The following ROCK1 variants were observed in gnomAD, a reference collection of about 807,000 sequenced individuals.
The protein encoded by ROCK1 is Rho associated coiled-coil containing protein kinase 1, also known as rho-associated protein kinase 1.
In ROCK1, 36 loss-of-function variants were observed where a neutral mutation model predicts 196.8. That is an observed-to-expected ratio of 0.18 (90% CI 0.14 to 0.24). The LOEUF is 0.24. ROCK1 is among the 10% of genes least tolerant of loss of function. The probability of loss-of-function intolerance (pLI) is 1.00; values close to 1 mark genes in which losing one functional copy is unlikely to be tolerated. For synonymous variants in ROCK1, 443 were observed against 515.9 expected, an observed-to-expected ratio of 0.86 and a Z score of 1.91; for missense variants, 920 against 1,562.0, an observed-to-expected ratio of 0.59 and a Z score of 6.93.
At chr18:20,969,271 A>G in intron 23 of ROCK1, 63 bp from the exon 24 acceptor site, 1 of 972,908 alleles carries the variant, frequency 1.0e-6, no homozygotes, top group African/African-American at 1.6e-5. Flanking sequence ...TTCAGGCAGT[A>G]ACCTTTAAAT....
At chr18:20,961,450 C>T (rs1025018471) in intron 27 of ROCK1, among the ~76,000 whole-genome samples, 2 of 152,080 alleles carry the variant, frequency 1.3e-5, no homozygotes, top group Non-Finnish European at 2.9e-5. Flanking sequence ...ATATTATATT[C>T]CGAGGAATTC....
chr18:21,061,139 C>T (rs1026582345), intron 2 of ROCK1, among the ~76,000 whole-genome samples: 3 of 150,224 alleles, frequency 2.0e-5, no homozygotes, highest in Admixed American at 6.6e-5. Flanking sequence ...AGTGCAATGG[C>T]GCAATCTTGG....
chr18:21,073,392 T>C (rs1485763191), intron 1 of ROCK1, among the ~76,000 whole-genome samples: 1 of 152,250 alleles, frequency 6.6e-6, no homozygotes, highest in African/African-American at 2.4e-5. Flanking sequence ...TAGAGGTCCA[T>C]TGTGTTATGC....
intron 16 of ROCK1, among the ~76,000 whole-genome samples, chr18:20,995,857 A>C (rs1388232383): frequency 6.6e-6 from 1 of 152,174 alleles, no homozygotes; most frequent in Non-Finnish European, 1.5e-5. Flanking sequence ...GATGCCTCCT[A>C]ATACAGATAT....
At chr18:21,028,649 A>G in intron 10 of ROCK1, 127 bp downstream of exon 10, 1 of 742,040 alleles carries the variant, frequency 1.3e-6, no homozygotes, top group East Asian at 3.0e-5. Context: ...AATATCATGC[A>G]TCAATGAAAA....
chr18:21,047,797 C>CA (rs1302580439), intron 4 of ROCK1, among the ~76,000 whole-genome samples: 3,570 of 105,694 alleles, frequency 0.034, 96 homozygotes, highest in African/African-American at 0.091. Flanking sequence ...GACTCCGTCT[C>CA]AAAAAAAAAA....
At position 21,111,316 on chromosome 18, in the gene ROCK1, C is replaced by T; in HGVS notation, c.-406G>A. 2.2e-6 allele frequency: 1 copy of T among 451,926 alleles called. No individual in the cohort carries two copies. Among genetic ancestry groups the T allele is most frequent in the African/African-American group, 2.0e-5 (1 of 49,034 alleles). 28.0% of individuals were successfully genotyped at this position (451,926 alleles called of 1,614,324 possible). A position where few individuals can be genotyped will look rare whatever the true frequency, so the allele number is the denominator to read the frequency against. On this transcript the variant is annotated 5_prime_UTR_variant, in exon 1 of 33. Coordinates refer to ENST00000399799, the MANE Select transcript of ROCK1 (RefSeq NM_005406.3). The surrounding 1 kb of genome is among the most constrained non-coding windows in gnomAD (Gnocchi z 4.2). The stretch of plus-strand genomic sequence containing the variant: ...CAGGGTGGAGACTCCCTCCGGGCAA[C>T]AAGGGAGGGAGAAGAGGAAAGGCGA...
At chr18:21,015,609 G>T in intron 12 of ROCK1, 130 bp from the exon 13 acceptor site, 1 of 659,062 alleles carries the variant, frequency 1.5e-6, no homozygotes, top group Non-Finnish European at 2.7e-6. Context: ...GGATCTCTTT[G>T]GCAGTCAAGT....
chr18:21,026,005 T>G (rs891409398), intron 10 of ROCK1, among the ~76,000 whole-genome samples: 1 of 152,180 alleles, frequency 6.6e-6, no homozygotes, highest in African/African-American at 2.4e-5. Context: ...AACTGAAGGT[T>G]ACCATTATAC....
chr18:20,952,275 A>G (rs796071816), intron 32 of ROCK1, among the ~76,000 whole-genome samples: 64 of 152,086 alleles, frequency 4.2e-4, no homozygotes, highest in African/African-American at 1.5e-3. Flanking sequence ...CCAGCTACTC[A>G]GGAGGCTGAG....
intron 1 of ROCK1, among the ~76,000 whole-genome samples, chr18:21,081,640 G>A (rs765430637): frequency 6.6e-6 from 1 of 152,126 alleles, no homozygotes; most frequent in Non-Finnish European, 1.5e-5. Flanking sequence ...GGGAAAAAGA[G>A]AGAAGACTCA....
At chr18:20,963,284 T>G (rs192587865) in intron 27 of ROCK1, among the ~76,000 whole-genome samples, 1 of 152,236 alleles carries the variant, frequency 6.6e-6, no homozygotes, top group East Asian at 1.9e-4. Context: ...CAATACTCGA[T>G]ATAGCCAATT....
chr18:21,025,404 C>A (rs1256503620), intron 10 of ROCK1, among the ~76,000 whole-genome samples: 1 of 152,148 alleles, frequency 6.6e-6, no homozygotes, highest in African/African-American at 2.4e-5. Context: ...ATTATGCTTA[C>A]ATATTACAAT....
chr18:21,007,604 A>G (rs1215148786), intron 14 of ROCK1, among the ~76,000 whole-genome samples: 1 of 152,150 alleles, frequency 6.6e-6, no homozygotes, highest in African/African-American at 2.4e-5. Flanking sequence ...CATCAATGGG[A>G]GTAGAAAGGT....
chr18:20,960,082 C>T, intron 28 of ROCK1, 54 bp downstream of exon 28: 1 of 1,274,418 alleles, frequency 7.8e-7, no homozygotes. Context: ...TTCTATGCTC[C>T]AAAGTAAAAT....
In ROCK1 at chr18:21,110,936, C is replaced by G. The variant is rs141769577; in HGVS notation, c.-26G>C. On this transcript the variant is annotated 5_prime_UTR_variant, in exon 1 of 33. Transcript: ENST00000399799. Reference sequence around the variant, plus strand: ...GTTGCTGCTGCTGTGACAATGCCCTCTTACCAGCACCAGCAGCGGAAAGCA... The same window carrying G: ...GTTGCTGCTGCTGTGACAATGCCCTGTTACCAGCACCAGCAGCGGAAAGCA... The G allele has an allele frequency of 1.6e-3, 2,448 of 1,574,612 alleles. 6 individuals are homozygous for G. The highest frequency in any genetic ancestry group is 0.012 in the East Asian group (535 of 44,650).
At chr18:21,072,475 C>T (rs1210657906) in intron 1 of ROCK1, among the ~76,000 whole-genome samples, 2 of 152,132 alleles carry the variant, frequency 1.3e-5, no homozygotes, top group Non-Finnish European at 2.9e-5. Flanking sequence ...AAAAGCTGCA[C>T]AATGCAAGGA....
intron 12 of ROCK1, among the ~76,000 whole-genome samples, chr18:21,015,911 TG>T (rs2035858736): frequency 6.7e-6 from 1 of 149,530 alleles, no homozygotes; most frequent in Non-Finnish European, 1.5e-5. Context: ...ACCTGGGAGG[TG>T]GAGGTTGCAG....
chr18:20,976,971 C>A (rs1239001630), intron 22 of ROCK1, among the ~76,000 whole-genome samples: 1 of 152,136 alleles, frequency 6.6e-6, no homozygotes, highest in African/African-American at 2.4e-5. Context: ...TCCAAATCTA[C>A]AAATCCTACT....
Sources: gnomAD v4.1 joint callset for allele counts (sites outside exome capture counted in the v4.1 genomes callset) on GRCh38, gnomAD v4.1.1 for gene constraint, Gnocchi (gnomAD v3.1) non-coding constraint, MANE v1.5 for transcripts, NCBI Gene and HGNC (gene_info 2026-07-23, HGNC 2026-07-21) for gene names.